Variants in CACNA1H observed in about 807,000 individuals in gnomAD.
CACNA1H encodes calcium voltage-gated channel subunit alpha1 H, also known as voltage-dependent T-type calcium channel subunit alpha-1H.
In CACNA1H, 149 loss-of-function variants were observed where a neutral mutation model predicts 192.5. The ratio of observed to expected loss-of-function variants is 0.77; its 90% CI spans 0.68 to 0.89. The LOEUF (loss-of-function observed/expected upper bound fraction) is 0.89. CACNA1H is among the 40% of genes least tolerant of loss of function. The pLI is 0.00. For synonymous variants in CACNA1H, 2,202 were observed against 1,475.2 expected (o/e 1.49, Z -11.29); for missense variants, 4,257 against 3,423.5 (o/e 1.24, Z -6.08).
Position 1,211,376 on chromosome 16 carries a change from T to C in CACNA1H, c.4350+82T>C, listed in dbSNP as rs376550090. 234 of 1,606,814 alleles carry C rather than the reference T, an allele frequency of 1.5e-4. 1 individual carries two copies. The African/African-American group carries it at 2.6e-3, about 18-fold the overall frequency. ...CCAGCGTGGCTCCCAGCAGCGCCGC[T>C]GCGGGACGGGGAGGGACAGCTCGGG... On this transcript the variant is annotated intron_variant, in intron 22 of 34. Coordinates refer to ENST00000348261, the MANE Select transcript of CACNA1H (RefSeq NM_021098.3).
chr16:1,184,696 G>A (rs150523522), intron 2 of CACNA1H, among the ~76,000 whole-genome samples: 57 of 152,354 alleles, frequency 3.7e-4, no homozygotes, highest in Middle Eastern at 6.8e-3. Flanking sequence ...TGGAGGCCAC[G>A]TGGCAGGAGG....
intron 16 of CACNA1H, 79 bp downstream of exon 16, chr16:1,208,300 T>A (rs1968998191): frequency 1.0e-6 from 1 of 1,001,992 alleles, no homozygotes; most frequent in African/African-American, 1.6e-5. Context: ...TCCCTGAAGA[T>A]GAGTGAGGGC....
At position 1,210,654 on chromosome 16, in the gene CACNA1H, AC is replaced by A. The variant is rs772070211; in HGVS notation, c.4038+5del. 6.2e-7 allele frequency: 1 copy of A among 1,602,618 alleles called. No homozygotes were observed. The highest frequency in any genetic ancestry group is 8.5e-7 in the Non-Finnish European group (1 of 1,179,468). ...TCGTGGCGGAGATGATGGTGAAGGT[AC>A]CGCGGGGCCCGGGGACTGCCCTTGT... On this transcript the variant is annotated splice_donor_region_variant and intron_variant, in intron 20 of 34. Coordinates refer to ENST00000348261, the MANE Select transcript of CACNA1H (RefSeq NM_021098.3).
chr16:1,173,227 C>T (rs941902138), intron 2 of CACNA1H, among the ~76,000 whole-genome samples: 2 of 152,100 alleles, frequency 1.3e-5, no homozygotes, highest in African/African-American at 4.8e-5. Flanking sequence ...GTGCTGGTGG[C>T]CAGGCAGGGA....
rs930947437 is a variant in CACNA1H, at chr16:1,207,937, C to G, written c.3155-76C>G. 8.4e-6 allele frequency: 13 copies of G among 1,538,542 alleles called. No homozygotes were observed. The South Asian group carries it at 1.3e-4, about 15-fold the overall frequency. Reference sequence around the variant, plus strand: ...CTGGCCGGGCAGGGCCCCCATAAGGCAATCCCTAGGTTGGGGGATTCCTGG... The same window carrying G: ...CTGGCCGGGCAGGGCCCCCATAAGGGAATCCCTAGGTTGGGGGATTCCTGG... On this transcript the variant is annotated intron_variant, in intron 15 of 34. Transcript: ENST00000348261.
In CACNA1H at chr16:1,194,840, C is replaced by T. The variant is rs1966852317; in HGVS notation, c.300-132C>T. The T allele has an allele frequency of 2.2e-5, 15 of 684,248 alleles. No homozygotes were observed. The South Asian group carries it at 2.4e-4, about 11-fold the overall frequency. 42.4% of individuals were successfully genotyped at this position (684,248 alleles called of 1,614,324 possible). A position where few individuals can be genotyped will look rare whatever the true frequency, so the allele number is the denominator to read the frequency against. ...AGGGGCGGCCGTCGGTCCCGAGTCC[C>T]CCACCCCATCCTGGACACCCCCACG... On this transcript the variant is annotated intron_variant, in intron 2 of 34. Transcript: ENST00000348261.
chr16:1,211,337 C>T, intron 22 of CACNA1H, 43 bp downstream of exon 22: 2 of 1,610,716 alleles, frequency 1.2e-6, no homozygotes, highest in East Asian at 2.2e-5. Flanking sequence ...CCGTCGCAGA[C>T]AGGGTCTGCC....
chr16:1,178,278 C>T (rs534143338), intron 2 of CACNA1H, among the ~76,000 whole-genome samples: 90 of 147,714 alleles, frequency 6.1e-4, no homozygotes, highest in African/African-American at 2.1e-3. Flanking sequence ...TGGTCCCTCC[C>T]GCCCCCTCTT....
intron 2 of CACNA1H, among the ~76,000 whole-genome samples, chr16:1,182,660 A>G (rs1596344095): frequency 6.6e-6 from 1 of 152,006 alleles, no homozygotes; most frequent in Non-Finnish European, 1.5e-5. Flanking sequence ...CTGGGGTGAA[A>G]GCTCTGGGCA....
rs1265575905 is a variant in CACNA1H at position 1,220,519 on chromosome 16, C to G, written c.6587C>G (p.Pro2196Arg). Reference protein sequence around the residue: ...KMSPPCISVEPPAEDEGSARP... With the variant: ...KMSPPCISVERPAEDEGSARP... The stretch of plus-strand genomic sequence containing the variant: ...AGCCCCCCCTGCATCTCGGTGGAAC[C>G]CCCTGCGGAGGACGAGGGCTCTGCG... The change falls in exon 35 of 35, where the codon CCC (proline) becomes CGC (arginine). Residue 2196 changes from proline (P) to arginine (R), a missense_variant. Coordinates refer to ENST00000348261, the MANE Select transcript of CACNA1H (RefSeq NM_021098.3). The G allele has an allele frequency of 6.5e-7, 1 of 1,538,078 alleles. No individual in the cohort carries two copies. The highest frequency in any genetic ancestry group is 2.3e-5 in the East Asian group (1 of 44,376).
intron 5 of CACNA1H, among the ~76,000 whole-genome samples, chr16:1,197,631 G>A (rs1967143909): frequency 6.6e-6 from 1 of 152,208 alleles, no homozygotes; most frequent in South Asian, 2.1e-4. Flanking sequence ...TGAGGCGGTT[G>A]CGGTCTGGCC....
At position 1,182,428 on chromosome 16, in the gene CACNA1H, G is replaced by T. The variant is rs562694901; in HGVS notation, c.300-12544G>T. Among the ~76,000 whole-genome samples the T allele has an allele frequency of 2.0e-5, 3 of 152,214 alleles. No individual in the cohort carries two copies. The East Asian group carries it at 5.8e-4, about 29-fold the overall frequency. On this transcript the variant is annotated intron_variant, in intron 2 of 34. Coordinates refer to ENST00000348261, the MANE Select transcript of CACNA1H (RefSeq NM_021098.3). ...GGCCTGTGGTGGGTGTGGGCTCCCC[G>T]CACCCCTGCGCTGGGGGCGGTGCTC...
rs537525537 is a variant in CACNA1H, at chr16:1,160,893, C to T, written c.299+6857C>T. On this transcript the variant is annotated intron_variant, in intron 2 of 34. Coordinates refer to ENST00000348261, the MANE Select transcript of CACNA1H (RefSeq NM_021098.3). ...CGCCAGAGCACCCCATCCTCGGGTGCGCGGCCGGCGAGGACCGAGGCATCA... is the reference window on the plus strand; with the variant it reads ...CGCCAGAGCACCCCATCCTCGGGTGTGCGGCCGGCGAGGACCGAGGCATCA... 2.6e-5 allele frequency among the ~76,000 whole-genome samples: 4 copies of T among 152,222 alleles called. No homozygotes were observed. In the South Asian group the frequency reaches 8.3e-4, roughly 32 times the overall value.
Position 1,153,134 on chromosome 16 carries a change from A to G in CACNA1H, c.-355A>G, listed in dbSNP as rs1035793579. ...CCGAAGTTTCCTGCGCCGCGCGCGG[A>G]CGGGCTCGAGGCTCGCTCGCTGCCT... is the stretch of plus-strand genomic sequence containing the variant. On this transcript the variant is annotated 5_prime_UTR_variant, in exon 1 of 35. Coordinates refer to ENST00000348261, the MANE Select transcript of CACNA1H (RefSeq NM_021098.3). The G allele has an allele frequency of 2.2e-5, 3 of 137,174 alleles. No homozygotes were observed. Among genetic ancestry groups the G allele is most frequent in the African/African-American group, 7.9e-5 (3 of 37,942 alleles). 8.5% of individuals were successfully genotyped at this position (137,174 alleles called of 1,614,324 possible).
intron 2 of CACNA1H, among the ~76,000 whole-genome samples, chr16:1,184,802 G>T (rs1456968875): frequency 6.6e-6 from 1 of 152,260 alleles, no homozygotes; most frequent in Non-Finnish European, 1.5e-5. Context: ...CAGGTGCGGG[G>T]CTCCAGCGAA....
chr16:1,190,906 GGCCTC>G, intron 2 of CACNA1H, among the ~76,000 whole-genome samples: 1 of 151,116 alleles, frequency 6.6e-6, no homozygotes, highest in African/African-American at 2.4e-5. Context: ...CTGGCTGTGT[GGCCTC>G]AGGCACACTC....
Position 1,206,365 on chromosome 16 carries a change from C to T in CACNA1H, c.2789+76C>T, listed in dbSNP as rs564868528. 1.7e-4 allele frequency: 243 copies of T among 1,412,154 alleles called. No individual in the cohort carries two copies. In the African/African-American group the frequency reaches 3.3e-3, roughly 19 times the overall value. The allele number at this position is 1,412,154 out of a possible 1,614,324, so 87.5% of individuals were successfully genotyped here. A position where few individuals can be genotyped will look rare whatever the true frequency, so the allele number is the denominator to read the frequency against. ...TGGGAGGCAAAGGCCCAGGGCACCC[C>T]CCGAAGGAGAAGGAGCCCTCCCACC... On this transcript the variant is annotated intron_variant, in intron 12 of 34. Coordinates refer to ENST00000348261, the MANE Select transcript of CACNA1H (RefSeq NM_021098.3).
chr16:1,206,071 G>A (rs766330807), intron 11 of CACNA1H, 33 bp from the exon 12 acceptor site: 17 of 1,527,254 alleles, frequency 1.1e-5, no homozygotes, highest in Non-Finnish European at 1.5e-5. Context: ...AGGGATCGTG[G>A]CCCCGCTGAC....
chr16:1,200,375 G>A lies in CACNA1H; in HGVS notation c.923G>A (p.Arg308His), dbSNP rs1332969846. ...CAGAAGTGCTCGCACATCCCCGGCC[G>A]CCGCGAGCTGCGCATGCCCTGCACC... ...GMQKCSHIPGRRELRMPCTLG... is the reference protein window; with the variant it reads ...GMQKCSHIPGHRELRMPCTLG... The change falls in exon 7 of 35, where the codon CGC becomes CAC. Residue 308 changes from arginine to histidine, a missense_variant. Arg to His is a conservative substitution (Grantham distance 29, BLOSUM62 0). Transcript: ENST00000348261. The A allele has an allele frequency of 5.6e-6, 9 of 1,600,374 alleles. No homozygotes were observed. In the East Asian group the frequency reaches 6.8e-5, roughly 12 times the overall value.
Sources: gnomAD v4.1 joint callset for allele counts (sites outside exome capture counted in the v4.1 genomes callset) on GRCh38, gnomAD v4.1.1 for gene constraint, MANE v1.5 for transcripts, NCBI Gene and HGNC (gene_info 2026-07-23, HGNC 2026-07-21) for gene names.